PCGF5: variants seen among roughly 807,000 people sequenced by gnomAD.
PCGF5 encodes the protein polycomb group ring finger 5.
In PCGF5, 9 loss-of-function variants were observed where a neutral mutation model predicts 44.3. The observed-to-expected ratio is 0.20, with a 90% CI of 0.12 to 0.35. PCGF5 has a LOEUF of 0.35. Ranked by LOEUF, PCGF5 falls within the 10% of genes least tolerant of loss-of-function variation. The pLI, the probability that PCGF5 is intolerant of heterozygous loss-of-function variation, is 1.00. For synonymous variants in PCGF5, 95 were observed against 102.5 expected, an observed-to-expected ratio of 0.93 and a Z score of 0.44; for missense variants, 146 against 305.3, an observed-to-expected ratio of 0.48 and a Z score of 3.89.
At chr10:91,251,131 T>G (rs898486356) in intron 5 of PCGF5, among the ~76,000 whole-genome samples, 161 bp from the exon 6 acceptor site, 1 of 151,354 alleles carries the variant, frequency 6.6e-6, no homozygotes, top group Non-Finnish European at 1.5e-5. Context: ...ATATTTCCAT[T>G]GCTGAGTTGG....
At chr10:91,226,015 A>G (rs1844825050) in intron 2 of PCGF5, among the ~76,000 whole-genome samples, 1 of 152,116 alleles carries the variant, frequency 6.6e-6, no homozygotes, top group Non-Finnish European at 1.5e-5. Context: ...GTAGTACCAT[A>G]TAATATTTTA....
chr10:91,213,449 A>G (rs929062979), intron 1 of PCGF5, among the ~76,000 whole-genome samples: 1 of 149,646 alleles, frequency 6.7e-6, no homozygotes, highest in African/African-American at 2.5e-5. Context: ...CATTAACTTC[A>G]TTATTTTATT....
Position 91,194,087 on chromosome 10 carries a change from C to T in PCGF5, c.-183-28602C>T, listed in dbSNP as rs1231718968. ...AGGGAGAATTGGAGGTCAGCTTGGA[C>T]ATACTGAGTGTGACATGTCTGTTAA... On this transcript the variant is annotated intron_variant, in intron 1 of 9. Coordinates refer to the PCGF5 transcript ENST00000614189. Among the ~76,000 whole-genome samples, 4 of 152,248 alleles carry T rather than the reference C, an allele frequency of 2.6e-5. No individual in the cohort carries two copies. The East Asian group carries it at 5.8e-4, about 22-fold the overall frequency.
chr10:91,227,340 C>A, intron 2 of PCGF5: 1 of 1,084,010 alleles, frequency 9.2e-7, no homozygotes, highest in Non-Finnish European at 1.2e-6. Context: ...TTCTTAGCTG[C>A]AGAATCCTAC....
chr10:91,227,608 C>A, intron 2 of PCGF5: 1 of 1,153,478 alleles, frequency 8.7e-7, no homozygotes, highest in Non-Finnish European at 1.1e-6. Context: ...GCAGCACATT[C>A]TTAACTGTGT....
intron 1 of PCGF5, among the ~76,000 whole-genome samples, chr10:91,169,002 A>G (rs1010217836): frequency 1.3e-5 from 2 of 150,582 alleles, no homozygotes; most frequent in African/African-American, 4.9e-5. Flanking sequence ...AGTGGTTGCA[A>G]GTGCAGAGGA....
the PCGF5 span, among the ~76,000 whole-genome samples, chr10:91,157,308 C>G: frequency 6.6e-6 from 1 of 152,184 alleles, no homozygotes; most frequent in South Asian, 2.1e-4. Context: ...TGCCCAAGAT[C>G]ACATAGCTAG....
intron 5 of PCGF5, among the ~76,000 whole-genome samples, chr10:91,249,385 A>G (rs1319652738): frequency 7.9e-4 from 3 of 3,794 alleles, no homozygotes; most frequent in South Asian, 5.5e-3. Flanking sequence ...ATATATATAT[A>G]TATATATATA....
upstream of PCGF5, among the ~76,000 whole-genome samples, chr10:91,160,129 C>T (rs1843360305): frequency 6.6e-6 from 1 of 152,108 alleles, no homozygotes; most frequent in South Asian, 2.1e-4. Flanking sequence ...TTTACTCTTC[C>T]ACCAAGAATA....
intron 1 of PCGF5, among the ~76,000 whole-genome samples, chr10:91,176,239 C>A (rs954566158): frequency 4.6e-5 from 7 of 152,124 alleles, no homozygotes; most frequent in Non-Finnish European, 8.8e-5. Flanking sequence ...AATATTGGCC[C>A]CCACTCTCTT....
At chr10:91,214,322 AAGG>A (rs949616053) in intron 1 of PCGF5, among the ~76,000 whole-genome samples, 1 of 151,786 alleles carries the variant, frequency 6.6e-6, no homozygotes, top group Non-Finnish European at 1.5e-5. Context: ...AAAAAAAAAA[AAGG>A]AGAGACAGAC....
upstream of PCGF5, chr10:91,220,529 G>C (rs539762553): frequency 1.3e-5 from 2 of 152,116 alleles, no homozygotes; most frequent in East Asian, 1.9e-4. Flanking sequence ...CGCGGCCTCC[G>C]GGCGTGGTGG....
intron 3 of PCGF5, among the ~76,000 whole-genome samples, chr10:91,244,360 T>TCTA (rs1174370700): frequency 6.6e-6 from 1 of 152,056 alleles, no homozygotes; most frequent in African/African-American, 2.4e-5. Flanking sequence ...CAGGAGTGTA[T>TCTA]CTACGCCTTG....
In PCGF5 at chr10:91,209,766, G is replaced by A. The variant is rs1190701029; in HGVS notation, c.-183-12923G>A. On this transcript the variant is annotated intron_variant, in intron 1 of 9. Coordinates refer to the PCGF5 transcript ENST00000614189. ...CAACAGAGCGAGACTCCGTCTCGAA[G>A]AAAAAAAAAGAAAAAAAAAAAAAAA... is the stretch of plus-strand genomic sequence containing the variant. Among the ~76,000 whole-genome samples the A allele has an allele frequency of 3.2e-3, 342 of 106,940 alleles. 171 individuals carry two copies. The highest frequency in any genetic ancestry group is 5.9e-3 in the Non-Finnish European group (288 of 48,784). The allele number at this position is 106,940 out of a possible 152,430, so 70.2% of individuals were successfully genotyped here.
intron 6 of PCGF5, among the ~76,000 whole-genome samples, chr10:91,259,929 CA>C (rs2133407877): frequency 6.6e-6 from 1 of 151,786 alleles, no homozygotes; most frequent in Non-Finnish European, 1.5e-5. Flanking sequence ...TCTAAAACAC[CA>C]AAAGCAATGG....
intron 1 of PCGF5, among the ~76,000 whole-genome samples, chr10:91,184,498 T>C (rs541237096): frequency 6.6e-6 from 1 of 152,354 alleles, no homozygotes; most frequent in East Asian, 1.9e-4. Context: ...TGGGTTATAA[T>C]GTACTCCTTT....
intron 7 of PCGF5, among the ~76,000 whole-genome samples, chr10:91,262,988 A>T (rs2133420914): frequency 6.6e-6 from 1 of 152,320 alleles, no homozygotes; most frequent in South Asian, 2.1e-4. Context: ...ACATAGTCTT[A>T]CTTCTGGCAT....
rs1846493423 is a variant in PCGF5, at chr10:91,283,175, T to C, written c.*4859T>C. On this transcript the variant is annotated 3_prime_UTR_variant, in exon 10 of 10. Transcript: ENST00000336126. ...TTTCCAATAATTTAAGTAATTCTCT[T>C]CCTAGTATAATACAGTTTTCATAAA... is the stretch of plus-strand genomic sequence containing the variant. The C allele has an allele frequency of 6.6e-6, 1 of 152,212 alleles. No homozygotes were observed. The highest frequency in any genetic ancestry group is 2.1e-4 in the South Asian group (1 of 4,830). The allele number at this position is 152,212 out of a possible 1,614,324, so 9.4% of individuals were successfully genotyped here.
chr10:91,197,324 C>T (rs1210036835), intron 1 of PCGF5, among the ~76,000 whole-genome samples: 1 of 152,106 alleles, frequency 6.6e-6, no homozygotes, highest in Non-Finnish European at 1.5e-5. Context: ...CGGGCACGTC[C>T]CTCTCTCTAT....
Sources: allele counts gnomAD v4.1 joint callset (sites outside exome capture counted in the v4.1 genomes callset), GRCh38; gene constraint gnomAD v4.1.1; transcripts MANE v1.5; gene names NCBI Gene and HGNC (gene_info 2026-07-23, HGNC 2026-07-21).